The following CFDP1 variants were observed in gnomAD, a reference collection of about 807,000 sequenced individuals.
CFDP1 encodes the protein chromatin remodeling protein CFDP1.
CFDP1 carries 31 observed loss-of-function variants against 40.1 expected under a neutral mutation model. The observed-to-expected ratio is 0.77, with a 90% CI of 0.58 to 1.04. The LOEUF (loss-of-function observed/expected upper bound fraction) is 1.04, where lower values mean the gene tolerates loss of function less well. Ranked by LOEUF, CFDP1 falls within the 50% of genes least tolerant of loss-of-function variation. CFDP1 has a pLI of 0.00. For missense variants in CFDP1, 423 were observed against 343.4 expected (o/e 1.23, Z -1.83); for synonymous variants, 167 against 120.0 (o/e 1.39, Z -2.56).
At position 75,414,648 on chromosome 16, in the gene CFDP1, C is replaced by G. The variant is rs569392299; in HGVS notation, c.112G>C (p.Glu38Gln). 4.3e-6 allele frequency: 7 copies of G among 1,613,754 alleles called. No individual in the cohort carries two copies. In the East Asian group the frequency reaches 1.1e-4, roughly 26 times the overall value. The change falls in exon 2 of 7, where the codon GAA (glutamate) becomes CAA (glutamine). Residue 38 changes from glutamate to glutamine, a missense_variant. Transcript: ENST00000283882. ...DDVNELVKED[E>Q]VDGEEQTQKT... ...TGTGTCTGCTCTTCACCATCCACTTCATCTTCCTTCACTAATTCATTTACA... is the reference window on the plus strand; with the variant it reads ...TGTGTCTGCTCTTCACCATCCACTTGATCTTCCTTCACTAATTCATTTACA...
chr16:75,305,950 T>G (rs1240099598), intron 5 of CFDP1, among the ~76,000 whole-genome samples: 1 of 152,210 alleles, frequency 6.6e-6, no homozygotes, highest in Non-Finnish European at 1.5e-5. Context: ...AAACCCCAGA[T>G]GCCCAAATTC....
chr16:75,298,535 C>A (rs1009662467), intron 6 of CFDP1, among the ~76,000 whole-genome samples: 15 of 152,240 alleles, frequency 9.9e-5, no homozygotes, highest in Non-Finnish European at 1.6e-4. Context: ...CAAGGCAGCA[C>A]AGACACAGGA....
At chr16:75,340,448 A>T (rs7202284) in intron 5 of CFDP1, among the ~76,000 whole-genome samples, 125,993 of 152,174 alleles carry the variant, frequency 0.83, 52,360 homozygotes, top group Middle Eastern at 0.9. Flanking sequence ...AAATTTTCTC[A>T]TTATTTCCCT....
intron 6 of CFDP1, among the ~76,000 whole-genome samples, chr16:75,300,532 C>G (rs1381088306): frequency 6.6e-6 from 1 of 152,198 alleles, no homozygotes; most frequent in African/African-American, 2.4e-5. Context: ...GGTTATCTGC[C>G]TGCCTCGGCC....
At chr16:75,411,747 ATAGATGGCTAACAC>A in intron 4 of CFDP1, 64 bp downstream of exon 4, 1 of 1,345,328 alleles carries the variant, frequency 7.4e-7, no homozygotes, top group Non-Finnish European at 1.0e-6. Context: ...TGAAAAGAGG[ATAGATGGCTAACAC>A]CAGTTAGAGA....
intron 1 of CFDP1, among the ~76,000 whole-genome samples, chr16:75,428,658 G>C (rs757985431): frequency 6.7e-6 from 1 of 149,352 alleles, no homozygotes; most frequent in Non-Finnish European, 1.5e-5. Flanking sequence ...AGGGCGGAGA[G>C]GGAGAGAAAG....
At chr16:75,395,877 C>A (rs1227567880) in intron 4 of CFDP1, among the ~76,000 whole-genome samples, 1 of 150,588 alleles carries the variant, frequency 6.6e-6, no homozygotes, top group East Asian at 2.0e-4. Flanking sequence ...AAAACTGAGT[C>A]CTAAAGGTTC....
intron 1 of CFDP1, among the ~76,000 whole-genome samples, chr16:75,425,988 A>C (rs1432835678): frequency 1.5e-5 from 2 of 137,590 alleles, no homozygotes; most frequent in African/African-American, 2.7e-5. Context: ...GCGAGCTGAG[A>C]TCATGCCACT....
intron 4 of CFDP1, among the ~76,000 whole-genome samples, chr16:75,399,922 A>G (rs1345004652): frequency 6.6e-6 from 1 of 151,882 alleles, no homozygotes; most frequent in African/African-American, 2.4e-5. Flanking sequence ...ATCAACATGG[A>G]GAAACCCCAT....
chr16:75,367,805 A>C (rs914183380), intron 5 of CFDP1, among the ~76,000 whole-genome samples: 2 of 150,968 alleles, frequency 1.3e-5, no homozygotes, highest in African/African-American at 4.9e-5. Context: ...AAAAAAAAAA[A>C]AAAAAACTTA....
rs1597392715 is a variant in CFDP1, at chr16:75,409,903, A to C, written c.530+1922T>G. 1.3e-5 allele frequency among the ~76,000 whole-genome samples: 2 copies of C among 152,106 alleles called. 1 individual carries two copies. The highest frequency in any genetic ancestry group is 3.9e-4 in the East Asian group (2 of 5,178). ...AGTTAGAGAGAAAATTTTAATAATA[A>C]AAAGTTTTGTTCCATACCATTTGTA... On this transcript the variant is annotated intron_variant, in intron 4 of 6. Transcript: ENST00000283882.
chr16:75,417,548 G>A (rs758431686), intron 1 of CFDP1, among the ~76,000 whole-genome samples: 1 of 152,006 alleles, frequency 6.6e-6, no homozygotes, highest in Non-Finnish European at 1.5e-5. Context: ...ATATTTGTTT[G>A]TATATGGAAA....
intron 4 of CFDP1, 50 bp downstream of exon 4, chr16:75,411,775 A>C (rs1368553861): frequency 6.4e-7 from 1 of 1,551,376 alleles, no homozygotes; most frequent in Admixed American, 1.8e-5. Flanking sequence ...TTAGAGAGAG[A>C]CGCTCATTTT....
At chr16:75,433,237 G>T in intron 1 of CFDP1, 52 bp downstream of exon 1, 2 of 1,530,024 alleles carry the variant, frequency 1.3e-6, no homozygotes, top group East Asian at 2.4e-5. Context: ...CGCGCCTCAC[G>T]TGAGGCGTGG....
intron 1 of CFDP1, among the ~76,000 whole-genome samples, chr16:75,421,078 C>A (rs970162144): frequency 6.6e-6 from 1 of 152,082 alleles, no homozygotes; most frequent in Non-Finnish European, 1.5e-5. Context: ...GAATCTCCGG[C>A]CAGCCAGCAG....
At chr16:75,379,817 T>G (rs4888395) in intron 5 of CFDP1, 128,126 of 151,842 alleles carry the variant, frequency 0.84, 54,202 homozygotes, top group Middle Eastern at 0.91. Context: ...CTCTTAAAAT[T>G]AAAGGTTTAT....
chr16:75,364,782 T>C (rs1368930685), intron 5 of CFDP1, among the ~76,000 whole-genome samples: 3 of 152,230 alleles, frequency 2.0e-5, no homozygotes, highest in Admixed American at 2.0e-4. Context: ...AATTTCTCAG[T>C]TTTAATTTCT....
chr16:75,303,400 A>AATAAATGTATGTATGT (rs745774792), intron 6 of CFDP1, among the ~76,000 whole-genome samples: 13 of 146,168 alleles, frequency 8.9e-5, no homozygotes, highest in South Asian at 2.1e-4. Context: ...TAAATAAATA[A>AATAAATGTATGTATGT]ATGTATGTAT....
At chr16:75,351,856 A>G (rs528283555) in intron 5 of CFDP1, among the ~76,000 whole-genome samples, 82 of 150,882 alleles carry the variant, frequency 5.4e-4, no homozygotes, top group Non-Finnish European at 1.0e-3. Context: ...AAAAATACAA[A>G]AATTAGCCAG....
Sources: gnomAD v4.1 joint callset for allele counts (sites outside exome capture counted in the v4.1 genomes callset) on GRCh38, gnomAD v4.1.1 for gene constraint, MANE v1.5 for transcripts, NCBI Gene and HGNC (gene_info 2026-07-23, HGNC 2026-07-21) for gene names.